The following BAD variants were observed in gnomAD, a reference collection of about 807,000 sequenced individuals.
BAD encodes BCL2 associated agonist of cell death, also known as bcl2-associated agonist of cell death.
In BAD, 18 loss-of-function variants were observed where a neutral mutation model predicts 17.8. The ratio of observed to expected loss-of-function variants is 1.01; its 90% CI spans 0.70 to 1.50. The LOEUF (loss-of-function observed/expected upper bound fraction) is 1.50. Ranked by LOEUF, BAD falls within the 40% of genes most tolerant of loss-of-function variation. The pLI is 0.00. For missense variants in BAD, 294 were observed against 239.3 expected (o/e 1.23, Z -1.51); for synonymous variants, 112 against 91.5 (o/e 1.22, Z -1.28).
At chr11:64,273,708 C>T (rs866524206) in intron 2 of BAD, among the ~76,000 whole-genome samples, 6 of 151,826 alleles carry the variant, frequency 4.0e-5, no homozygotes, top group Middle Eastern at 3.4e-3. Flanking sequence ...GGTAAAACCC[C>T]GTCTCTACTA....
At position 64,277,023 on chromosome 11, in the gene BAD, A is replaced by G. The variant is rs2033119337; in HGVS notation, c.188-5220T>C. ...TTTTCAGAGTCCTCAGATTCCCAAG[A>G]AGGAGAATACGAAGTTCTCCCTGTT... On this transcript the variant is annotated intron_variant, in intron 2 of 3. Coordinates refer to ENST00000309032, the MANE Select transcript of BAD (RefSeq NM_032989.3). 4.2e-6 allele frequency: 3 copies of G among 716,944 alleles called. No homozygotes were observed. In the African/African-American group the frequency reaches 5.2e-5, roughly 13 times the overall value. 44.4% of individuals were successfully genotyped at this position (716,944 alleles called of 1,614,324 possible).
chr11:64,283,994 CCTG>C (rs1317389884), intron 2 of BAD, among the ~76,000 whole-genome samples, 185 bp downstream of exon 2: 2 of 152,210 alleles, frequency 1.3e-5, no homozygotes, highest in African/African-American at 2.4e-5. Context: ...CCTATATGTT[CCTG>C]CTAATTAACT....
chr11:64,270,255 C>T lies in BAD; in HGVS notation c.461G>A (p.Trp154Ter), dbSNP rs773879129. 1.2e-6 allele frequency: 2 copies of T among 1,605,050 alleles called. No homozygotes were observed. Among genetic ancestry groups the T allele is most frequent in the Non-Finnish European group, 1.7e-6 (2 of 1,173,254 alleles). The change falls in exon 4 of 4, where the codon TGG (tryptophan) becomes TAG (stop). Residue 154 changes from tryptophan (W) to a stop codon, truncating the protein, a stop_gained. Coordinates refer to ENST00000309032, the MANE Select transcript of BAD (RefSeq NM_032989.3). LOFTEE classifies it high-confidence loss of function. ...SSSWTRVFQS[W>*]WDRNLGRGSS... ...TCCCCTGCCCAAGTTCCGATCCCACCAGGACTGGAAGACTCGCGTCCAGCT... is the reference window on the plus strand; with the variant it reads ...TCCCCTGCCCAAGTTCCGATCCCACTAGGACTGGAAGACTCGCGTCCAGCT...
intron 2 of BAD, among the ~76,000 whole-genome samples, chr11:64,272,319 G>GAA (rs776668412): frequency 4.3e-5 from 6 of 139,078 alleles, no homozygotes; most frequent in Non-Finnish European, 6.3e-5. Context: ...TTTCTCAAAA[G>GAA]AAAAAAAAAA....
chr11:64,280,953 C>T (rs1049536150), intron 2 of BAD, among the ~76,000 whole-genome samples: 25 of 150,202 alleles, frequency 1.7e-4, no homozygotes, highest in African/African-American at 5.9e-4. Context: ...CAGGTGTGAG[C>T]CACCACGCCC....
intron 2 of BAD, among the ~76,000 whole-genome samples, chr11:64,280,053 C>T (rs542602201): frequency 6.6e-6 from 1 of 151,824 alleles, no homozygotes; most frequent in Non-Finnish European, 1.5e-5. Flanking sequence ...CGCGGTGGCT[C>T]ACGCCTGTAA....
At position 64,271,742 on chromosome 11, in the gene BAD, G is replaced by A. The variant is rs776057256; in HGVS notation, c.249C>T (p.Asp83=). The A allele has an allele frequency of 4.2e-6, 6 of 1,444,452 alleles. No individual in the cohort carries two copies. The South Asian group carries it at 5.9e-5, about 14-fold the overall frequency. The allele number at this position is 1,444,452 out of a possible 1,614,324, so 89.5% of individuals were successfully genotyped here. The change falls in exon 3 of 4, where the codon GAC becomes GAT. Residue 83 remains aspartate, a synonymous_variant. Transcript: ENST00000309032. ...HSSYPAGTED[D]EGMGEEPSPF... ...GGCTGGGCTCCTCCCCCATCCCTTC[G>A]TCGTCCTCCGTCCCCGCGGGGTAGG...
intron 2 of BAD, among the ~76,000 whole-genome samples, chr11:64,279,550 A>G (rs966675753): frequency 1.3e-5 from 2 of 151,366 alleles, no homozygotes; most frequent in African/African-American, 4.9e-5. Context: ...GTGGATCACG[A>G]GGTCAGGAAT....
chr11:64,279,817 C>T (rs1045426538), intron 2 of BAD, among the ~76,000 whole-genome samples: 4 of 151,320 alleles, frequency 2.6e-5, no homozygotes, highest in Non-Finnish European at 5.9e-5. Context: ...GGGTAGCCTC[C>T]AGATCCTCCC....
chr11:64,271,907 T>A (rs2032657599), intron 2 of BAD, 104 bp from the exon 3 acceptor site: 1 of 988,708 alleles, frequency 1.0e-6, no homozygotes, highest in Non-Finnish European at 1.3e-6. Context: ...CACTCGTGGG[T>A]CTTCCAGGGG....
chr11:64,274,925 C>G (rs576196498), intron 2 of BAD, among the ~76,000 whole-genome samples: 1 of 133,456 alleles, frequency 7.5e-6, no homozygotes, highest in Non-Finnish European at 1.5e-5. Context: ...GCGGAGGTTG[C>G]AGTGAGCTGA....
intron 2 of BAD, among the ~76,000 whole-genome samples, chr11:64,278,125 C>T (rs1022944654): frequency 1.3e-5 from 2 of 151,982 alleles, no homozygotes; most frequent in East Asian, 1.9e-4. Flanking sequence ...CTTGTCTCTA[C>T]AAAAATTAAA....
chr11:64,275,172 G>C, intron 2 of BAD, among the ~76,000 whole-genome samples: 1 of 151,546 alleles, frequency 6.6e-6, no homozygotes, highest in African/African-American at 2.4e-5. Flanking sequence ...GTGGCAGTGG[G>C]GAGAGGCATA....
intron 2 of BAD, among the ~76,000 whole-genome samples, chr11:64,282,704 C>A (rs1305692187): frequency 6.6e-6 from 1 of 151,632 alleles, no homozygotes; most frequent in African/African-American, 2.4e-5. Context: ...ACGGTGAAAC[C>A]CCATCTCTAA....
chr11:64,274,439 C>T (rs1196338027), intron 2 of BAD, among the ~76,000 whole-genome samples: 1 of 151,760 alleles, frequency 6.6e-6, no homozygotes, highest in African/African-American at 2.4e-5. Context: ...GTAATCCCAA[C>T]ACTTTGGGAG....
intron 3 of BAD, 197 bp from the exon 4 acceptor site, chr11:64,270,534 T>C (rs2032428296): frequency 1.3e-6 from 1 of 758,236 alleles, no homozygotes; most frequent in Admixed American, 2.1e-5. Flanking sequence ...ACTGGTTAGA[T>C]CCCAGGAACT....
chr11:64,281,708 C>G (rs1167620087), intron 2 of BAD, among the ~76,000 whole-genome samples: 1 of 152,198 alleles, frequency 6.6e-6, no homozygotes, highest in Non-Finnish European at 1.5e-5. Context: ...CCCCCCGCCC[C>G]TGTGACTCCG....
chr11:64,275,507 G>T (rs1478556987), intron 2 of BAD, among the ~76,000 whole-genome samples: 1 of 152,100 alleles, frequency 6.6e-6, no homozygotes, highest in Non-Finnish European at 1.5e-5. Context: ...ACAAATGAGA[G>T]CAGGAAAGCC....
At chr11:64,270,685 T>G (rs1017262249) in intron 3 of BAD, 1 of 536,878 alleles carries the variant, frequency 1.9e-6, no homozygotes, top group African/African-American at 1.9e-5. Context: ...ATCCCAGCAC[T>G]TTGGGAGGTT....
Sources: allele counts gnomAD v4.1 joint callset (sites outside exome capture counted in the v4.1 genomes callset), GRCh38; gene constraint gnomAD v4.1.1; transcripts MANE v1.5; gene names NCBI Gene and HGNC (gene_info 2026-07-23, HGNC 2026-07-21).